CYP2B6: variants seen among roughly 807,000 people sequenced by gnomAD.
CYP2B6 encodes the protein cytochrome P450 2B6.
Under a neutral mutation model 43.4 loss-of-function variants are expected in CYP2B6, and 35 were observed. That is an observed-to-expected ratio of 0.81 (90% CI 0.62 to 1.07). CYP2B6 has a LOEUF of 1.07. Among genes scored for constraint, CYP2B6 ranks in the 50% least tolerant of loss-of-function variants. The pLI is 0.00. For missense variants in CYP2B6, 624 were observed against 632.8 expected (o/e 0.99, Z 0.15); for synonymous variants, 239 against 239.2 (o/e 1.00, Z 0.01).
Position 40,996,176 on chromosome 19 carries a change from C to T in CYP2B6, c.171+4700C>T, listed in dbSNP as rs150599836. Among the ~76,000 whole-genome samples, 266 of 152,124 alleles carry T rather than the reference C, an allele frequency of 1.7e-3. 3 individuals are homozygous for T. The highest frequency in any genetic ancestry group is 6.1e-3 in the African/African-American group (254 of 41,442). On this transcript the variant is annotated intron_variant, in intron 1 of 8. Coordinates refer to ENST00000324071, the MANE Select transcript of CYP2B6 (RefSeq NM_000767.5). ...CCACTGTCCACAGAGAGAAGACAGG[C>T]TGTTAATATTCTCTTTTAACTTGAA...
intron 8 of CYP2B6, among the ~76,000 whole-genome samples, chr19:41,016,399 C>CAAAAAAAAAAAAAAAAAAA (rs869180190): frequency 2.6e-5 from 2 of 76,856 alleles, no homozygotes; most frequent in Non-Finnish European, 5.5e-5. Context: ...GACTCCATCT[C>CAAAAAAAAAAAAAAAAAAA]AAAAAAAAAA....
At chr19:41,012,927 G>T in intron 8 of CYP2B6, 112 bp downstream of exon 8, 1 of 1,229,624 alleles carries the variant, frequency 8.1e-7, no homozygotes, top group Non-Finnish European at 1.2e-6. Context: ...TATTCTGATT[G>T]CTTCACCTGC....
In CYP2B6 at chr19:41,004,121, C is replaced by T. The variant is rs183427203; in HGVS notation, c.292C>T (p.Arg98Trp). Residue 98 changes from arginine (R) to tryptophan (W), a missense_variant, in exon 2 of 9, where the codon CGG becomes TGG. By Grantham distance (101) the Arg-to-Trp change is moderately radical. Coordinates refer to ENST00000324071, the MANE Select transcript of CYP2B6 (RefSeq NM_000767.5). Reference sequence around the variant, plus strand: ...GGACAAGGCTGAGGCCTTCTCTGGCCGGGGAAAAATCGCCATGGTCGACCC... The same window carrying T: ...GGACAAGGCTGAGGCCTTCTCTGGCTGGGGAAAAATCGCCATGGTCGACCC... Reference protein sequence around the residue: ...LVDKAEAFSGRGKIAMVDPFF... With the variant: ...LVDKAEAFSGWGKIAMVDPFF... 38 of 1,364,488 alleles carry T rather than the reference C, an allele frequency of 2.8e-5. No homozygotes were observed. The highest frequency in any genetic ancestry group is 8.6e-5 in the East Asian group (2 of 23,158). The allele number at this position is 1,364,488 out of a possible 1,614,324, so 84.5% of individuals were successfully genotyped here.
intron 6 of CYP2B6, among the ~76,000 whole-genome samples, chr19:41,012,051 T>C (rs1258622644): frequency 2.0e-5 from 3 of 152,022 alleles, no homozygotes. Context: ...TGGGTTCAAG[T>C]GATTCTCCTG....
intron 8 of CYP2B6, among the ~76,000 whole-genome samples, chr19:41,013,795 G>T (rs879829525): frequency 2.0e-5 from 3 of 152,166 alleles, no homozygotes; most frequent in Admixed American, 6.5e-5. Context: ...AACAATTCAT[G>T]AATTGGGCAG....
chr19:40,996,479 G>T (rs1969001317), intron 1 of CYP2B6, among the ~76,000 whole-genome samples: 1 of 152,124 alleles, frequency 6.6e-6, no homozygotes, highest in Non-Finnish European at 1.5e-5. Context: ...AACATGCAAT[G>T]AAGCTGGCAG....
At chr19:41,002,400 T>C (rs982240423) in intron 1 of CYP2B6, among the ~76,000 whole-genome samples, 3 of 152,212 alleles carry the variant, frequency 2.0e-5, no homozygotes, top group Non-Finnish European at 2.9e-5. Flanking sequence ...TCAATGAATT[T>C]TCACAAACTG....
chr19:41,004,379 G>A lies in CYP2B6; in HGVS notation c.417G>A (p.Lys139=). The change falls in exon 3 of 9, where the codon AAG becomes AAA. Residue 139 remains lysine (K), a synonymous_variant. Transcript: ENST00000324071. ...CTATGAGGGACTTCGGGATGGGAAA[G>A]CGGAGTGTGGAGGAGCGGATTCAGG... ...VTTMRDFGMG[K]RSVEERIQEE... is the part of the protein sequence containing the mutation. 6.2e-7 allele frequency: 1 copy of A among 1,614,056 alleles called. No individual in the cohort carries two copies. The highest frequency in any genetic ancestry group is 8.5e-7 in the Non-Finnish European group (1 of 1,180,020).
chr19:41,006,134 T>C (rs1224304631), intron 3 of CYP2B6, among the ~76,000 whole-genome samples: 1 of 151,886 alleles, frequency 6.6e-6, no homozygotes. Flanking sequence ...GAGTAATAGG[T>C]AGGGGTGGAA....
chr19:41,005,258 A>G (rs183529797), intron 3 of CYP2B6, among the ~76,000 whole-genome samples: 203 of 152,144 alleles, frequency 1.3e-3, no homozygotes, highest in African/African-American at 4.7e-3. Context: ...GGTGTCTGTG[A>G]GACATGTAGG....
chr19:41,012,576 G>C, intron 7 of CYP2B6, 91 bp downstream of exon 7: 2 of 1,609,412 alleles, frequency 1.2e-6, no homozygotes, highest in South Asian at 2.2e-5. Context: ...CTCCTTAATT[G>C]AGTCCCGTTG....
In CYP2B6 at chr19:41,012,711, A is replaced by G. The variant is rs150072531; in HGVS notation, c.1190A>G (p.His397Arg). The G allele has an allele frequency of 3.5e-4, 572 of 1,613,606 alleles. No individual in the cohort carries two copies. In the African/African-American group the frequency reaches 4.8e-3, roughly 13 times the overall value. The change falls in exon 8 of 9, where the codon CAT becomes CGT. Residue 397 changes from histidine (H) to arginine (R), a missense_variant. Transcript: ENST00000324071. ...TTTCTCATCCTGAGCACTGCTCTCC[A>G]TGACCCACACTACTTTGAAAAACCA... ...EVFLILSTAL[H>R]DPHYFEKPDA...
chr19:41,003,072 A>C (rs2144666091), intron 1 of CYP2B6, among the ~76,000 whole-genome samples: 1 of 152,124 alleles, frequency 6.6e-6, no homozygotes, highest in East Asian at 1.9e-4. Context: ...TATTTTGTTC[A>C]TTTTTTGGTG....
chr19:41,011,522 C>T (rs1026965759), intron 6 of CYP2B6, among the ~76,000 whole-genome samples: 2 of 152,136 alleles, frequency 1.3e-5, no homozygotes, highest in African/African-American at 4.8e-5. Flanking sequence ...ATGAATTGAT[C>T]TATTGATTGA....
Position 41,016,980 on chromosome 19 carries a change from A to G in CYP2B6, c.*153A>G, listed in dbSNP as rs3211375. 8.5e-5 allele frequency: 59 copies of G among 690,860 alleles called. No individual in the cohort carries two copies. Among genetic ancestry groups the G allele is most frequent in the African/African-American group, 6.7e-4 (37 of 55,562 alleles). 42.8% of individuals were successfully genotyped at this position (690,860 alleles called of 1,614,324 possible). A position where few individuals can be genotyped will look rare whatever the true frequency, so the allele number is the denominator to read the frequency against. The stretch of plus-strand genomic sequence containing the variant: ...TCCATGGCACCAGTTGTCTGAGGTC[A>G]CATTGCAAGTGAGTGCAGGAGTGAG... On this transcript the variant is annotated 3_prime_UTR_variant, in exon 9 of 9. Coordinates refer to ENST00000324071, the MANE Select transcript of CYP2B6 (RefSeq NM_000767.5).
intron 8 of CYP2B6, 145 bp from the exon 9 acceptor site, chr19:41,016,501 T>C: frequency 1.6e-6 from 1 of 631,938 alleles, no homozygotes; most frequent in Admixed American, 2.3e-5. Flanking sequence ...AGCAGCTTCC[T>C]AAAAGTCCAC....
At chr19:41,016,442 A>T (rs1421402416) in intron 8 of CYP2B6, among the ~76,000 whole-genome samples, 4 of 137,848 alleles carry the variant, frequency 2.9e-5, no homozygotes, top group Non-Finnish European at 6.2e-5. Context: ...AAAGAGAGAG[A>T]GAGAAATGAA....
chr19:41,008,340 C>T (rs10425865), intron 4 of CYP2B6, among the ~76,000 whole-genome samples: 31,551 of 131,634 alleles, frequency 0.24, 4,294 homozygotes, highest in African/African-American at 0.33. Flanking sequence ...GCCTCCCGAG[C>T]AGCCGGGACT....
intron 1 of CYP2B6, among the ~76,000 whole-genome samples, chr19:41,000,265 T>A (rs917273424): frequency 2.0e-5 from 3 of 152,144 alleles, no homozygotes; most frequent in Non-Finnish European, 2.9e-5. Flanking sequence ...TCCTTGATAG[T>A]GCTGCATTTA....
Sources: gnomAD v4.1 joint callset for allele counts (sites outside exome capture counted in the v4.1 genomes callset) on GRCh38, gnomAD v4.1.1 for gene constraint, MANE v1.5 for transcripts, NCBI Gene and HGNC (gene_info 2026-07-23, HGNC 2026-07-21) for gene names.